CERS4: variants seen among roughly 807,000 people sequenced by gnomAD.
The protein encoded by CERS4 is LAG1 homolog, ceramide synthase 4.
In CERS4, 65 loss-of-function variants were observed where a neutral mutation model predicts 51.8. That is an observed-to-expected ratio of 1.26 (90% CI 1.03 to 1.54). The LOEUF (loss-of-function observed/expected upper bound fraction) is 1.54, where lower values mean the gene tolerates loss of function less well. Ranked by LOEUF, CERS4 falls within the 40% of genes most tolerant of loss-of-function variation. CERS4 has a pLI of 0.00. For synonymous variants in CERS4, 228 were observed against 208.4 expected, an observed-to-expected ratio of 1.09 and a Z score of -0.81; for missense variants, 563 against 500.4, an observed-to-expected ratio of 1.13 and a Z score of -1.19.
In CERS4 at chr19:8,257,070, T is replaced by C; in HGVS notation, c.734T>C (p.Leu245Pro). 1.9e-6 allele frequency: 3 copies of C among 1,599,644 alleles called. No homozygotes were observed. The highest frequency in any genetic ancestry group is 2.6e-6 in the Non-Finnish European group (3 of 1,171,298). The stretch of plus-strand genomic sequence containing the variant: ...CTGTTACACGATTCCTCTGACTACC[T>C]GCTGGAGGTGGGCCCGACCCCTGCC... Reference protein sequence around the residue: ...VLLLHDSSDYLLEACKMVNYM... With the variant: ...VLLLHDSSDYPLEACKMVNYM... Residue 245 changes from leucine to proline, a missense_variant, in exon 9 of 12, where the codon CTG becomes CCG. Leu to Pro is a moderately conservative substitution (Grantham distance 98). Coordinates refer to ENST00000251363, the MANE Select transcript of CERS4 (RefSeq NM_024552.3).
intron 2 of CERS4, among the ~76,000 whole-genome samples, chr19:8,236,576 T>G (rs61124290): frequency 0.053 from 7,962 of 149,468 alleles, 689 homozygotes; most frequent in African/African-American, 0.18. Context: ...CTACTTGGGA[T>G]GCTGAGGTGG....
At chr19:8,236,152 G>A (rs1339045947) in intron 2 of CERS4, among the ~76,000 whole-genome samples, 1 of 152,050 alleles carries the variant, frequency 6.6e-6, no homozygotes, top group Admixed American at 6.6e-5. Flanking sequence ...CCGAGATCGC[G>A]CCACTGCACT....
intron 2 of CERS4, among the ~76,000 whole-genome samples, chr19:8,219,033 C>G (rs1295241758): frequency 1.3e-5 from 2 of 151,982 alleles, no homozygotes; most frequent in African/African-American, 4.8e-5. Context: ...GTGGTAAAAC[C>G]CCATCTCTAC....
chr19:8,212,831 G>A (rs1276652268), intron 2 of CERS4, among the ~76,000 whole-genome samples: 1 of 150,912 alleles, frequency 6.6e-6, no homozygotes, highest in African/African-American at 2.4e-5. Context: ...TAGAGATGAA[G>A]GGGGGTGGGT....
chr19:8,257,199 TC>T, intron 9 of CERS4, 122 bp downstream of exon 9: 1 of 1,043,110 alleles, frequency 9.6e-7, no homozygotes. Context: ...CTCCTGTCTT[TC>T]TCGGGTGATG....
At chr19:8,247,538 G>C (rs1160159606) in intron 2 of CERS4, among the ~76,000 whole-genome samples, 1 of 152,008 alleles carries the variant, frequency 6.6e-6, no homozygotes, top group Non-Finnish European at 1.5e-5. Flanking sequence ...TCCCACATCA[G>C]CTTCCTGAAT....
intron 2 of CERS4, among the ~76,000 whole-genome samples, chr19:8,235,509 G>A (rs532354429): frequency 1.5e-4 from 22 of 151,648 alleles, no homozygotes; most frequent in Middle Eastern, 3.4e-3. Flanking sequence ...GGGAGGCCGA[G>A]GGAGGTGGAT....
intron 2 of CERS4, among the ~76,000 whole-genome samples, chr19:8,218,283 C>CAGG (rs1369969720): frequency 6.6e-6 from 1 of 152,100 alleles, no homozygotes; most frequent in Non-Finnish European, 1.5e-5. Flanking sequence ...GCTCTTGACC[C>CAGG]AGGCTGGGAG....
intron 2 of CERS4, among the ~76,000 whole-genome samples, chr19:8,243,985 G>A (rs1968649973): frequency 6.6e-6 from 1 of 152,240 alleles, no homozygotes; most frequent in South Asian, 2.1e-4. Context: ...GCTGAAGATG[G>A]AATTAAGGTT....
chr19:8,230,059 A>G (rs1398278611), intron 2 of CERS4, among the ~76,000 whole-genome samples: 1 of 152,056 alleles, frequency 6.6e-6, no homozygotes, highest in African/African-American at 2.4e-5. Context: ...ATGTGCATAT[A>G]TGTAGCCATA....
intron 9 of CERS4, among the ~76,000 whole-genome samples, 180 bp from the exon 10 acceptor site, chr19:8,257,699 G>C (rs1216436478): frequency 6.6e-6 from 1 of 152,134 alleles, no homozygotes; most frequent in Non-Finnish European, 1.5e-5. Flanking sequence ...CAAAGTGCTG[G>C]GATTACAGGC....
At chr19:8,221,707 G>A (rs1967550412) in intron 2 of CERS4, among the ~76,000 whole-genome samples, 1 of 150,370 alleles carries the variant, frequency 6.7e-6, no homozygotes, top group African/African-American at 2.4e-5. Context: ...TAATTTTTTT[G>A]TATTATTAGT....
intron 2 of CERS4, among the ~76,000 whole-genome samples, chr19:8,217,319 AC>A (rs1967341162): frequency 4.6e-5 from 7 of 152,086 alleles, no homozygotes; most frequent in Admixed American, 4.6e-4. Context: ...AGGCAGATTA[AC>A]CAGGGTACAA....
intron 9 of CERS4, 66 bp from the exon 10 acceptor site, chr19:8,257,813 A>G (rs1969475525): frequency 1.6e-6 from 2 of 1,254,560 alleles, no homozygotes; most frequent in East Asian, 2.3e-5. Flanking sequence ...GTCCCATCCT[A>G]TAGCACCTTC....
chr19:8,256,441 A>C (rs1359720932), intron 7 of CERS4, among the ~76,000 whole-genome samples, 155 bp downstream of exon 7: 1 of 38,428 alleles, frequency 2.6e-5, no homozygotes, highest in Non-Finnish European at 1.3e-4. Context: ...GAGGGGCCAG[A>C]AAACCAAGCA....
At chr19:8,212,307 G>T (rs75222334) in intron 2 of CERS4, among the ~76,000 whole-genome samples, 1 of 152,156 alleles carries the variant, frequency 6.6e-6, no homozygotes, top group East Asian at 1.9e-4. Context: ...AGGTGAAGGC[G>T]TGGACGGGTG....
intron 2 of CERS4, among the ~76,000 whole-genome samples, chr19:8,249,457 G>A (rs913100360): frequency 6.6e-6 from 1 of 152,034 alleles, no homozygotes; most frequent in Non-Finnish European, 1.5e-5. Flanking sequence ...CCATTATCAG[G>A]CAAGCTCAGT....
chr19:8,239,553 C>T lies in CERS4; in HGVS notation c.-1-11523C>T, dbSNP rs1474614724. 2.0e-5 allele frequency: 3 copies of T among 152,244 alleles called. No homozygotes were observed. In the East Asian group the frequency reaches 5.8e-4, roughly 29 times the overall value. 9.4% of individuals were successfully genotyped at this position (152,244 alleles called of 1,614,324 possible). On this transcript the variant is annotated intron_variant, in intron 2 of 11. Coordinates refer to ENST00000251363, the MANE Select transcript of CERS4 (RefSeq NM_024552.3). Reference sequence around the variant, plus strand: ...GGAGGCCTCCGCAGGACCGTATGAACCCTGAGCCCACTGTGGGAGCAGAGC... The same window carrying T: ...GGAGGCCTCCGCAGGACCGTATGAATCCTGAGCCCACTGTGGGAGCAGAGC...
intron 2 of CERS4, among the ~76,000 whole-genome samples, chr19:8,237,706 C>T (rs1354295416): frequency 6.6e-6 from 1 of 151,990 alleles, no homozygotes; most frequent in African/African-American, 2.4e-5. Flanking sequence ...AAAAAATTAG[C>T]CGGGCGTGGT....
Sources: allele counts gnomAD v4.1 joint callset (sites outside exome capture counted in the v4.1 genomes callset), GRCh38; gene constraint gnomAD v4.1.1; transcripts MANE v1.5; gene names NCBI Gene and HGNC (gene_info 2026-07-23, HGNC 2026-07-21).